Variants in LRIG1 observed in about 807,000 individuals in gnomAD.
LRIG1 encodes the protein leucine-rich repeats and immunoglobulin-like domains protein 1.
Under a neutral mutation model 99.2 loss-of-function variants are expected in LRIG1, and 48 were observed. The observed-to-expected ratio is 0.48, with a 90% CI of 0.38 to 0.62. The LOEUF (loss-of-function observed/expected upper bound fraction) is 0.62. LRIG1 is among the 20% of genes least tolerant of loss of function. LRIG1 has a pLI of 0.00. For synonymous variants in LRIG1, 772 were observed against 596.1 expected, an observed-to-expected ratio of 1.29 and a Z score of -4.30; for missense variants, 1,646 against 1,434.4, an observed-to-expected ratio of 1.15 and a Z score of -2.38.
At chr3:66,444,972 T>C (rs368098137) in intron 3 of LRIG1, among the ~76,000 whole-genome samples, 2 of 151,978 alleles carry the variant, frequency 1.3e-5, no homozygotes, top group South Asian at 4.1e-4. Flanking sequence ...TGTGTATATA[T>C]ATAATTCCTC....
At chr3:66,456,704 T>C (rs2106822541) in intron 2 of LRIG1, among the ~76,000 whole-genome samples, 1 of 151,958 alleles carries the variant, frequency 6.6e-6, no homozygotes, top group South Asian at 2.1e-4. Flanking sequence ...ACACACCCAC[T>C]GTGGGGAGCA....
At chr3:66,406,592 A>G (rs1369032285) in intron 8 of LRIG1, among the ~76,000 whole-genome samples, 2 of 152,214 alleles carry the variant, frequency 1.3e-5, no homozygotes, top group African/African-American at 4.8e-5. Flanking sequence ...AGGAGACCCT[A>G]GAACCCGCCA....
intron 3 of LRIG1, among the ~76,000 whole-genome samples, chr3:66,426,828 T>A (rs898085978): frequency 1.3e-5 from 2 of 152,160 alleles, no homozygotes; most frequent in Non-Finnish European, 2.9e-5. Flanking sequence ...CAGCTCTCCA[T>A]CCCTAAGATC....
In LRIG1 at chr3:66,383,948, TCACA is replaced by T. The variant is rs3830215; in HGVS notation, c.2071+39_2071+42del. On this transcript the variant is annotated intron_variant, in intron 14 of 18. Coordinates refer to ENST00000273261, the MANE Select transcript of LRIG1 (RefSeq NM_015541.3). Reference sequence around the variant, plus strand: ...GCATTTGAGAGTCTCTCTCTCTCGCTCACACACACACACACACACACACAGTAGA... The same window carrying T: ...GCATTTGAGAGTCTCTCTCTCTCGCTCACACACACACACACACACAGTAGA... 8.7e-4 allele frequency: 1,327 copies of T among 1,518,176 alleles called. 4 individuals are homozygous for T. In the African/African-American group the frequency reaches 9.8e-3, roughly 11 times the overall value. 94.0% of individuals were successfully genotyped at this position (1,518,176 alleles called of 1,614,324 possible). A position where few individuals can be genotyped will look rare whatever the true frequency, so the allele number is the denominator to read the frequency against.
intron 3 of LRIG1, among the ~76,000 whole-genome samples, chr3:66,429,565 T>G (rs28409971): frequency 0.11 from 16,137 of 152,096 alleles, 1,241 homozygotes; most frequent in African/African-American, 0.21. Context: ...AGAGGCTGGG[T>G]AGAGAGAGAT....
chr3:66,405,224 G>A lies in LRIG1; in HGVS notation c.1134C>T (p.Phe378=). Residue 378 remains phenylalanine, a synonymous_variant, in exon 9 of 19, where the codon TTC becomes TTT. Transcript: ENST00000273261. ...GCTTGCTGAGGCTGTCGAGCCCTGA[G>A]AAGGCGCCGCTCGTGTCCTCTATTG... The part of the protein sequence containing the change: ...SGTIEDTSGA[F]SGLDSLSKLT... The A allele has an allele frequency of 6.2e-7, 1 of 1,614,236 alleles. No homozygotes were observed. The highest frequency in any genetic ancestry group is 8.5e-7 in the Non-Finnish European group (1 of 1,180,032).
chr3:66,463,149 A>T, intron 1 of LRIG1, among the ~76,000 whole-genome samples: 1 of 152,170 alleles, frequency 6.6e-6, no homozygotes, highest in African/African-American at 2.4e-5. Flanking sequence ...CCTAAATGTC[A>T]ATCCTAGGAT....
At chr3:66,382,960 A>G (rs1465642426) in intron 15 of LRIG1, 22 bp downstream of exon 15, 7 of 1,573,774 alleles carry the variant, frequency 4.4e-6, no homozygotes, top group Non-Finnish European at 6.1e-6. Flanking sequence ...CTTGAAAGTC[A>G]GCTCCGCTGG....
Position 66,383,096 on chromosome 3 carries a change from C to T in LRIG1, c.2377G>A (p.Val793Ile), listed in dbSNP as rs1245723348. 1 of 1,614,264 alleles carries T rather than the reference C, an allele frequency of 6.2e-7. No homozygotes were observed. Among genetic ancestry groups the T allele is most frequent in the Non-Finnish European group, 8.5e-7 (1 of 1,180,052 alleles). The change falls in exon 15 of 19, where the codon GTA (valine) becomes ATA (isoleucine). Residue 793 changes from valine to isoleucine, a missense_variant. Transcript: ENST00000273261. ...AAGCRKDGTTVGIFTIAVVSS... is the reference protein window; with the variant it reads ...AAGCRKDGTTIGIFTIAVVSS... ...ACGACAGCAATGGTGAAGATGCCTACCGTGGTCCCATCCTTCCTGCAGCCT... is the reference window on the plus strand; with the variant it reads ...ACGACAGCAATGGTGAAGATGCCTATCGTGGTCCCATCCTTCCTGCAGCCT...
chr3:66,406,217 G>A, intron 8 of LRIG1: 3 of 985,504 alleles, frequency 3.0e-6, no homozygotes, highest in Non-Finnish European at 3.6e-6. Context: ...AAATAGTGGA[G>A]ATTCTGCTGC....
At chr3:66,478,859 C>G (rs1285704545) in intron 1 of LRIG1, among the ~76,000 whole-genome samples, 1 of 152,162 alleles carries the variant, frequency 6.6e-6, no homozygotes, top group Non-Finnish European at 1.5e-5. Context: ...AAACCTGACC[C>G]TCTACCCCCA....
chr3:66,414,403 T>A lies in LRIG1; in HGVS notation c.647+517A>T, dbSNP rs6794491. Among the ~76,000 whole-genome samples the A allele has an allele frequency of 8.2e-3, 1,231 of 150,000 alleles. 17 individuals carry two copies. The highest frequency in any genetic ancestry group is 0.028 in the African/African-American group (1,126 of 40,546). On this transcript the variant is annotated intron_variant, in intron 5 of 18. Coordinates refer to ENST00000273261, the MANE Select transcript of LRIG1 (RefSeq NM_015541.3). ...AGAGCGAGACTGTCGCAAAAAAAAA[T>A]AATAATAAATAAATAAATAATAATA...
intron 1 of LRIG1, among the ~76,000 whole-genome samples, chr3:66,471,420 C>CT (rs1700593052): frequency 6.6e-6 from 1 of 152,212 alleles, no homozygotes; most frequent in Non-Finnish European, 1.5e-5. Flanking sequence ...TCTTTACCTC[C>CT]TGGGAGCCCA....
At chr3:66,498,502 G>A (rs916424076) in intron 1 of LRIG1, among the ~76,000 whole-genome samples, 3 of 149,812 alleles carry the variant, frequency 2.0e-5, no homozygotes, top group African/African-American at 7.4e-5. Context: ...GGCATTGGGA[G>A]TCACTCTTCC....
chr3:66,460,030 C>T (rs574847624), intron 2 of LRIG1, among the ~76,000 whole-genome samples: 6 of 151,568 alleles, frequency 4.0e-5, no homozygotes, highest in African/African-American at 1.5e-4. Flanking sequence ...ATCAAAATAC[C>T]CTTTATCTTG....
At chr3:66,441,931 C>A (rs1177893616) in intron 3 of LRIG1, among the ~76,000 whole-genome samples, 1 of 152,174 alleles carries the variant, frequency 6.6e-6, no homozygotes, top group African/African-American at 2.4e-5. Context: ...CTTAACAGAT[C>A]CTGTGTCTCA....
intron 1 of LRIG1, among the ~76,000 whole-genome samples, chr3:66,496,607 T>C (rs1701233425): frequency 1.3e-5 from 2 of 152,192 alleles, no homozygotes; most frequent in South Asian, 4.1e-4. Flanking sequence ...GTGTTTAAAA[T>C]GCTCCCTATT....
upstream of LRIG1, chr3:66,501,104 C>G (rs1386539827): frequency 6.6e-6 from 1 of 152,316 alleles, no homozygotes; most frequent in African/African-American, 2.4e-5. Context: ...CCCTAGGCTC[C>G]GCGCTCCGCG....
chr3:66,437,463 C>T (rs867125165), intron 3 of LRIG1, among the ~76,000 whole-genome samples: 20 of 152,222 alleles, frequency 1.3e-4, no homozygotes, highest in African/African-American at 4.6e-4. Context: ...CCCTGCCTGC[C>T]TCTTCAGTAA....
Sources: gnomAD v4.1 joint callset for allele counts (sites outside exome capture counted in the v4.1 genomes callset) on GRCh38, gnomAD v4.1.1 for gene constraint, MANE v1.5 for transcripts, NCBI Gene and HGNC (gene_info 2026-07-23, HGNC 2026-07-21) for gene names.